The following KCNN2 variants were observed in gnomAD, a reference collection of about 807,000 sequenced individuals.
The protein encoded by KCNN2 is potassium calcium-activated channel subfamily N member 2, also known as small conductance calcium-activated potassium channel protein 2.
KCNN2 carries 24 observed loss-of-function variants against 55.5 expected under a neutral mutation model. The ratio of observed to expected loss-of-function variants is 0.43; its 90% CI spans 0.31 to 0.61. The LOEUF (loss-of-function observed/expected upper bound fraction) is 0.61. Ranked by LOEUF, KCNN2 falls within the 20% of genes least tolerant of loss-of-function variation. KCNN2 has a pLI of 0.08. For synonymous variants in KCNN2, 431 were observed against 336.1 expected (o/e 1.28, Z -3.09); for missense variants, 754 against 853.6 (o/e 0.88, Z 1.45).
chr5:114,158,264 C>G (rs921090868), intron 1 of KCNN2, among the ~76,000 whole-genome samples: 1 of 152,076 alleles, frequency 6.6e-6, no homozygotes, highest in African/African-American at 2.4e-5. Flanking sequence ...GTAGGGAATC[C>G]TTCCCCATTG....
intron 1 of KCNN2, among the ~76,000 whole-genome samples, chr5:114,094,788 A>G (rs1751223182): frequency 6.6e-6 from 1 of 152,060 alleles, no homozygotes; most frequent in Non-Finnish European, 1.5e-5. Context: ...TGCTCTCTGA[A>G]TCAGAACTCT....
At chr5:114,251,432 T>C (rs1252938215) in intron 2 of KCNN2, among the ~76,000 whole-genome samples, 5 of 152,240 alleles carry the variant, frequency 3.3e-5, no homozygotes, top group Non-Finnish European at 5.9e-5. Flanking sequence ...ATTGATGAAA[T>C]GAGAGTAGTA....
rs954653220 is a variant in KCNN2, at chr5:114,432,865, C to G, written c.1637+28009C>G. ...GGTTGTACTGGGTCCCCCAGCAGTG[C>G]CAGCTCACCAGCGCTGCGCTTGATT... is the stretch of plus-strand genomic sequence containing the variant. On this transcript the variant is annotated intron_variant, in intron 3 of 7. Coordinates refer to ENST00000673685, the MANE Select transcript of KCNN2 (RefSeq NM_021614.4). Among the ~76,000 whole-genome samples the G allele has an allele frequency of 2.0e-5, 3 of 152,342 alleles. No homozygotes were observed. In the South Asian group the frequency reaches 6.2e-4, roughly 32 times the overall value.
intron 2 of KCNN2, among the ~76,000 whole-genome samples, chr5:114,355,070 T>G (rs1321154656): frequency 6.6e-6 from 1 of 152,192 alleles, no homozygotes; most frequent in Non-Finnish European, 1.5e-5. Flanking sequence ...CTTAGCAAAT[T>G]GTGGTTCTTT....
intron 3 of KCNN2, among the ~76,000 whole-genome samples, chr5:114,437,406 A>T (rs966639570): frequency 6.6e-6 from 1 of 152,118 alleles, no homozygotes; most frequent in Non-Finnish European, 1.5e-5. Flanking sequence ...ATTTTAATTG[A>T]GGTGATATTA....
At position 114,159,011 on chromosome 5, in the gene KCNN2, A is replaced by G. The variant is rs553649108; in HGVS notation, c.-270-62469A>G. Among the ~76,000 whole-genome samples, 4 of 152,238 alleles carry G rather than the reference A, an allele frequency of 2.6e-5. No individual in the cohort carries two copies. In the South Asian group the frequency reaches 8.3e-4, roughly 32 times the overall value. On this transcript the variant is annotated intron_variant, in intron 1 of 10. Coordinates refer to the KCNN2 transcript ENST00000512097. The stretch of plus-strand genomic sequence containing the variant: ...ACCCTTTATTTCTTTCTCCTGCCTG[A>G]TTGCCCTGGCCAGAACCTCCAACAC...
chr5:114,302,461 G>A (rs763528221), intron 2 of KCNN2, among the ~76,000 whole-genome samples: 2 of 152,048 alleles, frequency 1.3e-5, no homozygotes, highest in Non-Finnish European at 2.9e-5. Context: ...TAGTAGGAGA[G>A]CTACCTGGAA....
chr5:114,351,625 C>T lies in KCNN2; in HGVS notation c.-184-9320C>T, dbSNP rs193301684. On this transcript the variant is annotated intron_variant, in intron 2 of 10. Coordinates refer to the KCNN2 transcript ENST00000512097. The stretch of plus-strand genomic sequence containing the variant: ...ATCAAGCTGAGGAAGTCCTGTTCAA[C>T]CTCTTCCTGGTATTCCTACTTTGTT... Among the ~76,000 whole-genome samples the T allele has an allele frequency of 6.4e-3, 976 of 151,720 alleles. 4 individuals carry two copies. The highest frequency in any genetic ancestry group is 0.019 in the South Asian group (91 of 4,826).
At position 114,334,594 on chromosome 5, in the gene KCNN2, G is replaced by A. The variant is rs187504005; in HGVS notation, c.-184-26351G>A. Among the ~76,000 whole-genome samples, 5 of 151,800 alleles carry A rather than the reference G, an allele frequency of 3.3e-5. No homozygotes were observed. The East Asian group carries it at 9.7e-4, about 29-fold the overall frequency. ...TATCATGACTTTCAACTTAAAGTCAGAAGTCTAAAATCACTTTTACATTTT... is the reference window on the plus strand; with the variant it reads ...TATCATGACTTTCAACTTAAAGTCAAAAGTCTAAAATCACTTTTACATTTT... On this transcript the variant is annotated intron_variant, in intron 2 of 10. Transcript: ENST00000512097.
At position 114,251,034 on chromosome 5, in the gene KCNN2, T is replaced by C. The variant is rs80339279; in HGVS notation, c.-185+29469T>C. 3.6e-3 allele frequency among the ~76,000 whole-genome samples: 544 copies of C among 152,348 alleles called. 1 individual carries two copies. The highest frequency in any genetic ancestry group is 5.8e-3 in the Non-Finnish European group (395 of 68,034). On this transcript the variant is annotated intron_variant, in intron 2 of 10. Coordinates refer to the KCNN2 transcript ENST00000512097. ...ATATTTCCATGAAGATATGGATTTC[T>C]AATTTCTCCAAATAATGGAAAATTC...
chr5:114,481,797 TTTAATAAATGATGCTGGGA>T (rs1762241116), intron 5 of KCNN2, among the ~76,000 whole-genome samples: 1 of 152,204 alleles, frequency 6.6e-6, no homozygotes, highest in South Asian at 2.1e-4. Context: ...GGAGTCCCTA[TTTAATAAATGATGCTGGGA>T]GATCTGGCTA....
intron 3 of KCNN2, among the ~76,000 whole-genome samples, chr5:114,415,337 G>A (rs1325623276): frequency 2.0e-5 from 3 of 152,178 alleles, no homozygotes; most frequent in Non-Finnish European, 2.9e-5. Context: ...CCATCTAAGA[G>A]TATATAATTT....
chr5:114,088,583 C>G (rs1252862124), intron 1 of KCNN2, among the ~76,000 whole-genome samples: 3 of 151,898 alleles, frequency 2.0e-5, no homozygotes, highest in Non-Finnish European at 2.9e-5. Flanking sequence ...CTGTTAAGCT[C>G]ATCGAGTGTA....
At chr5:114,200,327 A>G (rs751063614) in intron 1 of KCNN2, among the ~76,000 whole-genome samples, 3 of 151,470 alleles carry the variant, frequency 2.0e-5, no homozygotes, top group African/African-American at 4.8e-5. Flanking sequence ...ATTTCCCTCA[A>G]TGAATTTTTT....
intron 2 of KCNN2, among the ~76,000 whole-genome samples, chr5:114,353,770 CT>C (rs1275351651): frequency 1.3e-5 from 2 of 151,920 alleles, no homozygotes; most frequent in Non-Finnish European, 2.9e-5. Context: ...ATCCCACTGC[CT>C]TCTGGTCACT....
At chr5:114,302,511 A>G (rs1168048811) in intron 2 of KCNN2, among the ~76,000 whole-genome samples, 1 of 152,210 alleles carries the variant, frequency 6.6e-6, no homozygotes, top group Non-Finnish European at 1.5e-5. Flanking sequence ...AATGATAGGT[A>G]TTAGGGTTTT....
At position 114,074,327 on chromosome 5, in the gene KCNN2, TGTGC is replaced by T. The variant is rs998072230; in HGVS notation, c.-271+17829_-271+17832del. Among the ~76,000 whole-genome samples the T allele has an allele frequency of 1.6e-4, 21 of 133,402 alleles. No homozygotes were observed. In the South Asian group the frequency reaches 1.7e-3, roughly 11 times the overall value. The allele number at this position is 133,402 out of a possible 152,430, so 87.5% of individuals were successfully genotyped here. A position where few individuals can be genotyped will look rare whatever the true frequency, so the allele number is the denominator to read the frequency against. On this transcript the variant is annotated intron_variant, in intron 1 of 10. Transcript: ENST00000512097. ...GTGTGTGTGTGTGTGTGTGTGTGTG[TGTGC>T]GCGCGCGCGCCAGAGAGAAAGAGGG...
intron 2 of KCNN2, among the ~76,000 whole-genome samples, chr5:114,243,650 A>T (rs1405794972): frequency 1.3e-5 from 2 of 152,120 alleles, no homozygotes; most frequent in Non-Finnish European, 2.9e-5. Context: ...GTATTTCGTT[A>T]TCAGTGATTG....
chr5:114,075,652 A>C (rs760193487), intron 1 of KCNN2, among the ~76,000 whole-genome samples: 1 of 152,200 alleles, frequency 6.6e-6, no homozygotes, highest in Non-Finnish European at 1.5e-5. Flanking sequence ...GCCATTATAA[A>C]TCCTATTATC....
Sources: allele counts gnomAD v4.1 joint callset (sites outside exome capture counted in the v4.1 genomes callset), GRCh38; gene constraint gnomAD v4.1.1; transcripts MANE v1.5; gene names NCBI Gene and HGNC (gene_info 2026-07-23, HGNC 2026-07-21).